Variants in MRPS18C observed in about 807,000 individuals in gnomAD.
The protein encoded by MRPS18C is small ribosomal subunit protein bS18m.
In MRPS18C, 21 loss-of-function variants were observed where a neutral mutation model predicts 21.0. The ratio of observed to expected loss-of-function variants is 1.00; its 90% CI spans 0.71 to 1.44. The LOEUF is 1.44. Among genes scored for constraint, MRPS18C ranks in the 40% most tolerant of loss-of-function variants. The probability of loss-of-function intolerance (pLI) is 0.00; values close to 1 mark genes in which losing one functional copy is unlikely to be tolerated. For missense variants in MRPS18C, 152 were observed against 171.5 expected (o/e 0.89, Z 0.64); for synonymous variants, 65 against 54.3 (o/e 1.20, Z -0.87).
In MRPS18C at chr4:83,462,134, C is replaced by G. The variant is rs928047344; in HGVS notation, c.*937C>G. 1.2e-5 allele frequency: 3 copies of G among 260,788 alleles called. No homozygotes were observed. Among genetic ancestry groups the G allele is most frequent in the Non-Finnish European group, 2.2e-5 (3 of 137,276 alleles). The allele number at this position is 260,788 out of a possible 1,614,324, so 16.2% of individuals were successfully genotyped here. On this transcript the variant is annotated 3_prime_UTR_variant, in exon 6 of 6. Transcript: ENST00000295491. ...TCTCTAACTCCTAACTTCAATCAAT[C>G]CTCCTGACTTGTCTTCCCTAAGTGC...
chr4:83,456,497 A>G (rs1383650839), intron 1 of MRPS18C, among the ~76,000 whole-genome samples: 1 of 152,214 alleles, frequency 6.6e-6, no homozygotes, highest in Non-Finnish European at 1.5e-5. Context: ...GTCCCCAAAC[A>G]GAACAAAATT....
At chr4:83,458,314 C>T in intron 2 of MRPS18C, 32 bp from the exon 3 acceptor site, 1 of 1,397,578 alleles carries the variant, frequency 7.2e-7, no homozygotes, top group South Asian at 1.2e-5. Flanking sequence ...ATTAACACAT[C>T]CTATTATCAG....
intron 2 of MRPS18C, 65 bp from the exon 3 acceptor site, chr4:83,458,281 A>T: frequency 8.9e-7 from 1 of 1,126,082 alleles, no homozygotes; most frequent in Non-Finnish European, 1.3e-6. Context: ...TGAATGTAGA[A>T]TAGTAACCTT....
chr4:83,460,489 A>G (rs559420526), intron 4 of MRPS18C: 1 of 161,040 alleles, frequency 6.2e-6, no homozygotes, highest in Non-Finnish European at 1.3e-5. Flanking sequence ...ACGTAGTGCC[A>G]TATGGTTGTT....
chr4:83,460,675 GGGCA>G, intron 4 of MRPS18C: 1 of 309,916 alleles, frequency 3.2e-6, no homozygotes, highest in Non-Finnish European at 6.1e-6. Flanking sequence ...AGGCTGAGGT[GGGCA>G]GATCACCTGA....
chr4:83,457,462 A>C (rs1030666221), intron 2 of MRPS18C: 1 of 152,998 alleles, frequency 6.5e-6, no homozygotes, highest in Non-Finnish European at 1.5e-5. Flanking sequence ...GACCATACAA[A>C]GCACTTGGCA....
intron 3 of MRPS18C, 155 bp from the exon 4 acceptor site, chr4:83,459,585 C>A: frequency 1.6e-6 from 1 of 619,084 alleles, no homozygotes; most frequent in East Asian, 2.9e-5. Context: ...TAAAAGGTAA[C>A]AGGAGGATAA....
chr4:83,459,850 C>G, intron 4 of MRPS18C, 53 bp downstream of exon 4: 1 of 1,427,766 alleles, frequency 7.0e-7, no homozygotes, highest in Non-Finnish European at 9.7e-7. Flanking sequence ...TTATATCAAT[C>G]TATTTCTATC....
intron 4 of MRPS18C, 67 bp from the exon 5 acceptor site, chr4:83,460,905 CA>C (rs34734728): frequency 0.42 from 522,817 of 1,248,016 alleles, 91,032 homozygotes; most frequent in East Asian, 0.63. Flanking sequence ...GACTCCATCT[CA>C]AAAAAAAAAA....
At position 83,461,023 on chromosome 4, in the gene MRPS18C, C is replaced by A. The variant is rs1302593673; in HGVS notation, c.343C>A (p.Gln115Lys). 3 of 1,612,336 alleles carry A rather than the reference C, an allele frequency of 1.9e-6. No individual in the cohort carries two copies. The highest frequency in any genetic ancestry group is 1.7e-5 in the Admixed American group (1 of 59,648). The change falls in exon 5 of 6, where the codon CAA becomes AAA. Residue 115 changes from glutamine to lysine, a missense_variant. This residue lies in a region of MRPS18C where 34 missense variants were observed against 67.1 expected (regional missense o/e 0.51). Coordinates refer to ENST00000295491, the MANE Select transcript of MRPS18C (RefSeq NM_016067.4). ...AATCACAAAAGCAATTAAGAGAGCT[C>A]AAATAATGGGTAAGAAAGAATACCT... The part of the protein sequence containing the change: ...KEITKAIKRA[Q>K]IMGFMPVTYK...
chr4:83,460,564 T>G (rs1560568663), intron 4 of MRPS18C: 5 of 209,674 alleles, frequency 2.4e-5, no homozygotes, highest in Non-Finnish European at 2.9e-5. Flanking sequence ...AAACCTAGAT[T>G]ATTATTGTGG....
intron 3 of MRPS18C, 52 bp from the exon 4 acceptor site, chr4:83,459,688 G>C (rs1328416920): frequency 6.6e-6 from 10 of 1,513,060 alleles, no homozygotes; most frequent in African/African-American, 4.2e-5. Context: ...TACACATTCA[G>C]AAATAAATAA....
At chr4:83,458,584 A>T in intron 3 of MRPS18C, 155 bp downstream of exon 3, 1 of 530,452 alleles carries the variant, frequency 1.9e-6, no homozygotes, top group South Asian at 2.8e-5. Context: ...GTATAAGCTT[A>T]TCTCTGCTTT....
intron 3 of MRPS18C, 79 bp from the exon 4 acceptor site, chr4:83,459,661 G>A: frequency 4.0e-6 from 5 of 1,259,918 alleles, no homozygotes; most frequent in South Asian, 3.9e-5. Flanking sequence ...ATAACCTGAA[G>A]GTTGTTTTTT....
chr4:83,456,101 C>CG lies in MRPS18C; in HGVS notation c.26dup (p.Gly10TrpfsTer39). 6.2e-7 allele frequency: 1 copy of CG among 1,612,722 alleles called. No homozygotes were observed. Among genetic ancestry groups the CG allele is most frequent in the Non-Finnish European group, 8.5e-7 (1 of 1,180,016 alleles). On this transcript the variant is annotated frameshift_variant, in exon 1 of 6. Transcript: ENST00000295491. LOFTEE classifies it high-confidence loss of function. Reference sequence around the variant, plus strand: ...CCATGGCCGCTGTGGTTGCTGTTTGCGGTGGTCTAGGGAGGAAGAAGTTGA... The same window carrying CG: ...CCATGGCCGCTGTGGTTGCTGTTTGCGGGTGGTCTAGGGAGGAAGAAGTTGA...
At chr4:83,456,984 A>C in intron 2 of MRPS18C, 26 bp downstream of exon 2, 1 of 1,600,560 alleles carries the variant, frequency 6.2e-7, no homozygotes, top group Middle Eastern at 2.2e-4. Context: ...TCTATTAGTA[A>C]GGCCTTTGCA....
At position 83,456,170 on chromosome 4, in the gene MRPS18C, T is replaced by A. The variant is rs747447651; in HGVS notation, c.93T>A (p.Thr31=). 64 of 1,612,838 alleles carry A rather than the reference T, an allele frequency of 4.0e-5. No individual in the cohort carries two copies. The highest frequency in any genetic ancestry group is 5.2e-5 in the Non-Finnish European group (61 of 1,179,236). ...TAAVSLTHPG[T]HTVLWRRGCS... ...CTGTCAGCCTTACACATCCCGGGAC[T>A]CACACGGGTAAAGTCTCCATATCCT... is the stretch of plus-strand genomic sequence containing the variant. The change falls in exon 1 of 6, where the codon ACT becomes ACA. Residue 31 remains threonine (T), a synonymous_variant. Transcript: ENST00000295491.
At position 83,461,037 on chromosome 4, in the gene MRPS18C, G is replaced by T; in HGVS notation, c.352+5G>T. The T allele has an allele frequency of 6.2e-7, 1 of 1,612,916 alleles. No individual in the cohort carries two copies. The highest frequency in any genetic ancestry group is 8.5e-7 in the Non-Finnish European group (1 of 1,179,374). On this transcript the variant is annotated splice_donor_5th_base_variant and intron_variant, in intron 5 of 5. Transcript: ENST00000295491. ...TTAAGAGAGCTCAAATAATGGGTAA[G>T]AAAGAATACCTCAACAACTGAATTG... is the stretch of plus-strand genomic sequence containing the variant.
chr4:83,456,581 T>C (rs1025636660), intron 1 of MRPS18C, among the ~76,000 whole-genome samples: 2 of 152,182 alleles, frequency 1.3e-5, no homozygotes, highest in African/African-American at 4.8e-5. Context: ...TTACTTTCTT[T>C]TTGGTATGAC....
Sources: gnomAD v4.1 joint callset for allele counts (sites outside exome capture counted in the v4.1 genomes callset) on GRCh38, gnomAD v4.1.1 for gene constraint, gnomAD v4.1.1 regional missense constraint, MANE v1.5 for transcripts, NCBI Gene and HGNC (gene_info 2026-07-23, HGNC 2026-07-21) for gene names.